CEP152: variants seen among roughly 807,000 people sequenced by gnomAD.
The protein encoded by CEP152 is centrosomal protein 152.
A neutral mutation model predicts 188.9 loss-of-function variants in CEP152; 132 were observed. The observed-to-expected ratio is 0.70, with a 90% CI of 0.61 to 0.81. The LOEUF (loss-of-function observed/expected upper bound fraction) is 0.81. Among genes scored for constraint, CEP152 ranks in the 30% least tolerant of loss-of-function variants. The pLI, the probability that CEP152 is intolerant of heterozygous loss-of-function variation, is 0.00. For missense variants in CEP152, 1,914 were observed against 1,969.8 expected (o/e 0.97, Z 0.54); for synonymous variants, 649 against 666.6 (o/e 0.97, Z 0.41).
At chr15:48,755,430 A>G (rs1237261829) in intron 20 of CEP152, among the ~76,000 whole-genome samples, 2 of 152,154 alleles carry the variant, frequency 1.3e-5, no homozygotes, top group Non-Finnish European at 2.9e-5. Context: ...TGAAGTGGTC[A>G]GGCCCAGAAA....
At chr15:48,793,505 ATAAATT>A (rs1567024761) in intron 6 of CEP152, 44 bp from the exon 7 acceptor site, 3 of 1,551,510 alleles carry the variant, frequency 1.9e-6, no homozygotes, top group Non-Finnish European at 2.7e-6. Flanking sequence ...ATACCAAAAT[ATAAATT>A]TATAGTCATT....
Position 48,797,385 on chromosome 15 carries a change from T to C in CEP152, c.456A>G (p.Pro152=), listed in dbSNP as rs1897366187. 2 of 1,614,136 alleles carry C rather than the reference T, an allele frequency of 1.2e-6. No homozygotes were observed. Among genetic ancestry groups the C allele is most frequent in the Non-Finnish European group, 8.5e-7 (1 of 1,179,978 alleles). ...DLYHLPENFR[P]YTNGQKQEFN... ...ATTCCTGCTTCTGACCATTGGTATA[T>C]GGCCTAAAGTTTTCAGGAAGGTGAT... Residue 152 remains proline (P), a synonymous_variant, in exon 5 of 27, where the codon CCA becomes CCG. Transcript: ENST00000380950.
chr15:48,784,916 C>T (rs780088148), intron 9 of CEP152, among the ~76,000 whole-genome samples: 10 of 152,064 alleles, frequency 6.6e-5, no homozygotes, highest in Non-Finnish European at 1.2e-4. Context: ...AGTCCTGAGT[C>T]CAGGTAGAAC....
chr15:48,742,002 G>C lies in CEP152; in HGVS notation c.3934C>G (p.Arg1312Gly). The change falls in exon 25 of 27, where the codon CGC becomes GGC. Residue 1312 changes from arginine to glycine, a missense_variant. Arg to Gly is a moderately radical substitution (Grantham distance 125). Transcript: ENST00000380950. The part of the protein sequence containing the change: ...RERQETARKM[R>G]KYYLICLQQI... ...TGGAGGCAAATCAAATAATATTTGCGCATCTTTCGGGCGGTTTCTTGACGT... is the reference window on the plus strand; with the variant it reads ...TGGAGGCAAATCAAATAATATTTGCCCATCTTTCGGGCGGTTTCTTGACGT... 1 of 1,614,066 alleles carries C rather than the reference G, an allele frequency of 6.2e-7. No homozygotes were observed. Among genetic ancestry groups the C allele is most frequent in the Non-Finnish European group, 8.5e-7 (1 of 1,180,008 alleles).
chr15:48,782,105 A>G (rs1333792666), intron 11 of CEP152, 34 bp downstream of exon 11: 1 of 1,568,118 alleles, frequency 6.4e-7, no homozygotes, highest in Non-Finnish European at 8.8e-7. Context: ...TAATTCAGAT[A>G]CCCATAGAGC....
intron 9 of CEP152, 108 bp from the exon 10 acceptor site, chr15:48,784,228 A>G (rs1167793782): frequency 4.6e-6 from 5 of 1,075,994 alleles, no homozygotes; most frequent in Non-Finnish European, 6.8e-6. Context: ...CAAGATCATC[A>G]CATGGGAGCA....
intron 19 of CEP152, 88 bp downstream of exon 19, chr15:48,760,047 A>G (rs1894562158): frequency 3.2e-6 from 5 of 1,544,994 alleles, no homozygotes; most frequent in African/African-American, 1.4e-5. Context: ...CAACAATTCT[A>G]TGAGTAGGTA....
Position 48,796,161 on chromosome 15 carries a change from C to T in CEP152, c.541-1G>A. On this transcript the variant is annotated splice_acceptor_variant, in intron 5 of 26. Transcript: ENST00000380950. LOFTEE classifies it high-confidence loss of function. The stretch of plus-strand genomic sequence containing the variant: ...GTTCCAAACCTTGACAACTGGGACC[C>T]TGTGATAACAAATGAAACTGACAAT... The T allele has an allele frequency of 6.2e-7, 1 of 1,613,436 alleles. No homozygotes were observed. Among genetic ancestry groups the T allele is most frequent in the African/African-American group, 1.3e-5 (1 of 74,978 alleles).
intron 15 of CEP152, 44 bp from the exon 16 acceptor site, chr15:48,767,507 G>C (rs764300911): frequency 6.2e-7 from 1 of 1,613,194 alleles, no homozygotes; most frequent in Non-Finnish European, 8.5e-7. Context: ...GTCTCACTAC[G>C]AACACCAAAA....
intron 8 of CEP152, chr15:48,789,260 T>C: frequency 2.0e-6 from 1 of 508,864 alleles, no homozygotes; most frequent in Non-Finnish European, 3.5e-6. Flanking sequence ...AAAGAGGATT[T>C]TGCGCAGCAT....
intron 2 of CEP152, 25 bp downstream of exon 2, chr15:48,805,538 T>G: frequency 2.1e-6 from 3 of 1,396,640 alleles, no homozygotes; most frequent in Non-Finnish European, 2.9e-6. Context: ...AGTGTCTCTT[T>G]TTTTTTTTTT....
At chr15:48,765,636 AT>A (rs34837739) in intron 17 of CEP152, 11,867 of 183,976 alleles carry the variant, frequency 0.065, 3 homozygotes, top group Non-Finnish European at 0.076. Context: ...GTTCTTGCCA[AT>A]TTTTTTTTTT....
chr15:48,794,182 G>A (rs936622195), intron 6 of CEP152, among the ~76,000 whole-genome samples: 3 of 151,548 alleles, frequency 2.0e-5, no homozygotes, highest in African/African-American at 7.3e-5. Flanking sequence ...TCTACTCCAC[G>A]AATACATAAT....
chr15:48,793,541 C>A, intron 6 of CEP152, 80 bp from the exon 7 acceptor site: 1 of 1,252,696 alleles, frequency 8.0e-7, no homozygotes, highest in South Asian at 1.3e-5. Context: ...GTTTTTCAAA[C>A]TGTGACTACA....
chr15:48,809,938 A>G (rs1898220597), intron 1 of CEP152, among the ~76,000 whole-genome samples: 1 of 152,332 alleles, frequency 6.6e-6, no homozygotes, highest in South Asian at 2.1e-4. Flanking sequence ...CCCTCCTTCA[A>G]GATGCCCTCC....
chr15:48,734,587 T>TAA (rs34623932), downstream of CEP152, among the ~76,000 whole-genome samples: 920 of 128,970 alleles, frequency 7.1e-3, 11 homozygotes, highest in African/African-American at 0.025. Flanking sequence ...GCTTCTCTGA[T>TAA]AAAAAAAAAA....
In CEP152 at chr15:48,755,768, AC is replaced by A. The variant is rs1231191571; in HGVS notation, c.3345+134del. ...CAAACCTTTGGATTTCGCTACAGAA[AC>A]TTTTTTAAACCACTGACAAAAACAT... On this transcript the variant is annotated intron_variant, in intron 20 of 26. Transcript: ENST00000380950. 9 of 1,515,076 alleles carry A rather than the reference AC, an allele frequency of 5.9e-6. No individual in the cohort carries two copies. The African/African-American group carries it at 1.1e-4, about 19-fold the overall frequency. The allele number at this position is 1,515,076 out of a possible 1,614,324, so 93.9% of individuals were successfully genotyped here.
At chr15:48,753,454 TAGAAGCCTTGATTTTGATTATG>T (rs1191432575) in intron 20 of CEP152, among the ~76,000 whole-genome samples, 3 of 152,244 alleles carry the variant, frequency 2.0e-5, no homozygotes, top group African/African-American at 7.2e-5. Context: ...TGCCTGATTC[TAGAAGCCTTGATTTTGATTATG>T]AGAAACCACT....
downstream of CEP152, among the ~76,000 whole-genome samples, chr15:48,734,009 A>G (rs809207): frequency 0.32 from 49,254 of 151,942 alleles, 10,996 homozygotes; most frequent in East Asian, 0.6. Context: ...TAAAGGAAGT[A>G]GAATATAGAT....
Sources: gnomAD v4.1 joint callset for allele counts (sites outside exome capture counted in the v4.1 genomes callset) on GRCh38, gnomAD v4.1.1 for gene constraint, MANE v1.5 for transcripts, NCBI Gene and HGNC (gene_info 2026-07-23, HGNC 2026-07-21) for gene names.